Variants in DNM3 observed in about 807,000 individuals in gnomAD.
DNM3 encodes the protein dynamin-3.
A neutral mutation model predicts 101.6 loss-of-function variants in DNM3; 47 were observed. The observed-to-expected ratio is 0.46, with a 90% CI of 0.37 to 0.59. The LOEUF (loss-of-function observed/expected upper bound fraction) is 0.59. Among genes scored for constraint, DNM3 ranks in the 20% least tolerant of loss-of-function variants. The probability of loss-of-function intolerance (pLI) is 0.00; values close to 1 mark genes in which losing one functional copy is unlikely to be tolerated. For synonymous variants in DNM3, 385 were observed against 387.9 expected, an observed-to-expected ratio of 0.99 and a Z score of 0.09; for missense variants, 849 against 1,085.7, an observed-to-expected ratio of 0.78 and a Z score of 3.06.
At chr1:172,183,767 ATTTTTTTTTTT>A (rs376245976) in intron 14 of DNM3, among the ~76,000 whole-genome samples, 12 of 62,654 alleles carry the variant, frequency 1.9e-4, no homozygotes, top group East Asian at 1.0e-3. Context: ...TGCCCAGCTA[ATTTTTTTTTTT>A]TTTTTTTTTT....
chr1:171,990,770 T>C (rs893803445), intron 4 of DNM3, among the ~76,000 whole-genome samples: 1 of 152,112 alleles, frequency 6.6e-6, no homozygotes, highest in Non-Finnish European at 1.5e-5. Context: ...AATTCTGCAA[T>C]GGTAACTGTT....
At chr1:172,393,909 T>A (rs2069743789) in intron 20 of DNM3, 1 of 152,594 alleles carries the variant, frequency 6.6e-6, no homozygotes, top group Non-Finnish European at 1.5e-5. Context: ...TCTCTAAATG[T>A]CATTAATCAT....
chr1:172,076,810 T>G (rs1436209609), intron 11 of DNM3, among the ~76,000 whole-genome samples: 1 of 152,166 alleles, frequency 6.6e-6, no homozygotes, highest in Non-Finnish European at 1.5e-5. Context: ...GTTTTGGTAT[T>G]AGGATGACGT....
chr1:172,395,503 T>C (rs1465345643), intron 20 of DNM3, among the ~76,000 whole-genome samples: 3 of 152,090 alleles, frequency 2.0e-5, no homozygotes, highest in African/African-American at 7.2e-5. Flanking sequence ...TTTACTAGAG[T>C]TGCTTTAGCC....
intron 4 of DNM3, among the ~76,000 whole-genome samples, chr1:172,000,628 T>C (rs1268810017): frequency 1.3e-5 from 2 of 152,100 alleles, no homozygotes; most frequent in African/African-American, 4.8e-5. Context: ...GTCCAAATCA[T>C]CCTCACCTCC....
intron 1 of DNM3, among the ~76,000 whole-genome samples, chr1:171,869,834 C>T (rs1471951142): frequency 1.3e-5 from 2 of 152,222 alleles, no homozygotes; most frequent in Non-Finnish European, 2.9e-5. Flanking sequence ...ATTTAACCTT[C>T]ATCTAGTTAA....
chr1:172,151,367 T>C (rs1006966794), intron 14 of DNM3, among the ~76,000 whole-genome samples: 2 of 152,170 alleles, frequency 1.3e-5, no homozygotes, highest in East Asian at 3.9e-4. Context: ...TGCAACAAGT[T>C]ATTGGTTTCT....
chr1:172,156,141 A>G (rs1041234597), intron 14 of DNM3, among the ~76,000 whole-genome samples: 5 of 152,144 alleles, frequency 3.3e-5, no homozygotes, highest in Non-Finnish European at 5.9e-5. Context: ...TATATTAAGC[A>G]CTTAAAAAAA....
At chr1:171,956,373 A>G (rs2042858486) in intron 2 of DNM3, among the ~76,000 whole-genome samples, 1 of 152,212 alleles carries the variant, frequency 6.6e-6, no homozygotes, top group Admixed American at 6.5e-5. Context: ...GGCCCCATGC[A>G]AGTCTGAAAT....
chr1:172,110,170 G>C (rs1342806935), intron 13 of DNM3, among the ~76,000 whole-genome samples: 1 of 152,080 alleles, frequency 6.6e-6, no homozygotes, highest in Non-Finnish European at 1.5e-5. Context: ...CTGTGTTCCA[G>C]GTCTCCAGTC....
At chr1:171,997,777 C>T (rs879043125) in intron 4 of DNM3, among the ~76,000 whole-genome samples, 21 of 152,074 alleles carry the variant, frequency 1.4e-4, no homozygotes, top group Admixed American at 5.2e-4. Flanking sequence ...GTGCTCAGTA[C>T]GTGTTTCTGA....
intron 13 of DNM3, among the ~76,000 whole-genome samples, chr1:172,109,269 A>G (rs1472623178): frequency 1.3e-5 from 2 of 152,118 alleles, no homozygotes; most frequent in Non-Finnish European, 2.9e-5. Flanking sequence ...TTTTCCAGCA[A>G]CTCTGTTCTT....
chr1:172,069,947 C>G (rs1379343403), intron 11 of DNM3, among the ~76,000 whole-genome samples: 1 of 152,032 alleles, frequency 6.6e-6, no homozygotes, highest in African/African-American at 2.4e-5. Context: ...GAGAGACACA[C>G]ACAGCACACA....
At chr1:172,236,383 A>G (rs1415497449) in intron 14 of DNM3, among the ~76,000 whole-genome samples, 3 of 152,160 alleles carry the variant, frequency 2.0e-5, no homozygotes, top group Non-Finnish European at 4.4e-5. Context: ...GAGAAAAGAG[A>G]GAGAAGGGGT....
At chr1:172,033,368 GA>G (rs1165747700) in intron 6 of DNM3, 103 bp downstream of exon 6, 14 of 1,250,322 alleles carry the variant, frequency 1.1e-5, no homozygotes, top group Non-Finnish European at 1.5e-5. Context: ...TCCAAAACAA[GA>G]CATGCAGCTT....
At chr1:172,159,595 G>A (rs2058471021) in intron 14 of DNM3, among the ~76,000 whole-genome samples, 1 of 152,068 alleles carries the variant, frequency 6.6e-6, no homozygotes, top group Non-Finnish European at 1.5e-5. Context: ...AGAATGTTAG[G>A]AAACTTTTGA....
At chr1:172,074,662 C>T (rs1262975244) in intron 11 of DNM3, among the ~76,000 whole-genome samples, 1 of 152,186 alleles carries the variant, frequency 6.6e-6, no homozygotes, top group Non-Finnish European at 1.5e-5. Flanking sequence ...TTTTTTATGG[C>T]TACATAGTAT....
intron 2 of DNM3, among the ~76,000 whole-genome samples, chr1:171,985,606 T>A (rs2045192107): frequency 6.6e-6 from 1 of 152,180 alleles, no homozygotes; most frequent in Non-Finnish European, 1.5e-5. Flanking sequence ...TTTCAGAAAG[T>A]GGCACATTAT....
At chr1:172,095,389 A>T (rs16843831) in intron 13 of DNM3, among the ~76,000 whole-genome samples, 5,455 of 152,318 alleles carry the variant, frequency 0.036, 231 homozygotes, top group East Asian at 0.13. Flanking sequence ...GCAAGGGATT[A>T]TGAACTAGAA....
Sources: gnomAD v4.1 joint callset for allele counts (sites outside exome capture counted in the v4.1 genomes callset) on GRCh38, gnomAD v4.1.1 for gene constraint, MANE v1.5 for transcripts, NCBI Gene and HGNC (gene_info 2026-07-23, HGNC 2026-07-21) for gene names.